HAUS2: variants seen among roughly 807,000 people sequenced by gnomAD.
The protein encoded by HAUS2 is HAUS augmin like complex subunit 2.
Under a neutral mutation model 21.6 loss-of-function variants are expected in HAUS2, and 20 were observed. That is an observed-to-expected ratio of 0.93 (90% confidence interval 0.65 to 1.35). HAUS2 has a LOEUF of 1.35. Among genes scored for constraint, HAUS2 ranks in the 40% most tolerant of loss-of-function variants. The pLI is 0.00. For synonymous variants in HAUS2, 113 were observed against 95.6 expected (o/e 1.18, Z -1.06); for missense variants, 297 against 280.7 (o/e 1.06, Z -0.42).
intron 1 of HAUS2, among the ~76,000 whole-genome samples, chr15:42,553,177 G>A (rs2057741946): frequency 6.6e-6 from 1 of 151,874 alleles, no homozygotes; most frequent in African/African-American, 2.4e-5. Context: ...AGTAGAGACG[G>A]GGTTTCACCA....
intron 1 of HAUS2, among the ~76,000 whole-genome samples, chr15:42,551,109 C>T (rs1052740102): frequency 8.6e-5 from 13 of 151,120 alleles, no homozygotes; most frequent in African/African-American, 3.2e-4. Flanking sequence ...AATTCTCGTG[C>T]TCCCGAGTAG....
At chr15:42,551,296 A>C (rs193057427) in intron 1 of HAUS2, among the ~76,000 whole-genome samples, 2 of 152,162 alleles carry the variant, frequency 1.3e-5, no homozygotes, top group Non-Finnish European at 2.9e-5. Flanking sequence ...CAGGTTACCT[A>C]GTACTCTCAC....
intron 5 of HAUS2, among the ~76,000 whole-genome samples, chr15:42,564,267 T>C (rs2057883135): frequency 7.1e-6 from 1 of 141,520 alleles, no homozygotes; most frequent in Non-Finnish European, 1.5e-5. Flanking sequence ...CCATCTCCCA[T>C]TAAAAAAAAA....
chr15:42,563,746 C>G lies in HAUS2; in HGVS notation c.390-3C>G. 1.4e-6 allele frequency: 2 copies of G among 1,418,784 alleles called. No homozygotes were observed. Among genetic ancestry groups the G allele is most frequent in the South Asian group, 1.2e-5 (1 of 85,340 alleles). The allele number at this position is 1,418,784 out of a possible 1,614,324, so 87.9% of individuals were successfully genotyped here. A position where few individuals can be genotyped will look rare whatever the true frequency, so the allele number is the denominator to read the frequency against. On this transcript the variant is annotated splice_region_variant and splice_polypyrimidine_tract_variant and intron_variant, in intron 4 of 5. Coordinates refer to ENST00000260372, the MANE Select transcript of HAUS2 (RefSeq NM_018097.3). Reference sequence around the variant, plus strand: ...ATGGTTGACTTTTTTCTTTCTCTTTCAGATATATGGTACATTTGCTGGAGT... The same window carrying G: ...ATGGTTGACTTTTTTCTTTCTCTTTGAGATATATGGTACATTTGCTGGAGT...
At chr15:42,561,906 T>A (rs2057857346) in intron 4 of HAUS2, among the ~76,000 whole-genome samples, 1 of 152,098 alleles carries the variant, frequency 6.6e-6, no homozygotes, top group Admixed American at 6.5e-5. Flanking sequence ...TAGAGATGAG[T>A]TCTATTGCCC....
intron 4 of HAUS2, among the ~76,000 whole-genome samples, chr15:42,562,414 G>C (rs918474315): frequency 2.0e-5 from 3 of 152,096 alleles, no homozygotes; most frequent in Non-Finnish European, 4.4e-5. Flanking sequence ...GGCCAACATG[G>C]TGAAACCCCA....
chr15:42,557,461 T>G (rs1485519698), intron 1 of HAUS2, among the ~76,000 whole-genome samples: 1 of 115,470 alleles, frequency 8.7e-6, no homozygotes, highest in African/African-American at 2.9e-5. Flanking sequence ...AATATATACA[T>G]TGTATATAAT....
At chr15:42,566,478 A>C in intron 5 of HAUS2, 129 bp from the exon 6 acceptor site, 1 of 625,150 alleles carries the variant, frequency 1.6e-6, no homozygotes, top group Non-Finnish European at 2.8e-6. Flanking sequence ...GGGAAAGCAC[A>C]GTTTTAAGGA....
At chr15:42,566,194 C>T (rs936190654) in intron 5 of HAUS2, among the ~76,000 whole-genome samples, 3 of 149,936 alleles carry the variant, frequency 2.0e-5, no homozygotes, top group African/African-American at 4.9e-5. Context: ...GAGTGAGACA[C>T]CATCTCAAAA....
In HAUS2 at chr15:42,567,080, A is replaced by T. The variant is rs991749010; in HGVS notation, c.*264A>T. On this transcript the variant is annotated 3_prime_UTR_variant, in exon 6 of 6. Coordinates refer to ENST00000260372, the MANE Select transcript of HAUS2 (RefSeq NM_018097.3). ...AATATAAGTGAATTAACCATTTCTC[A>T]GGTGGGAAATTCTCTTTTTTTAAAA... 5 of 285,838 alleles carry T rather than the reference A, an allele frequency of 1.7e-5. No homozygotes were observed. Among genetic ancestry groups the T allele is most frequent in the Middle Eastern group, 1.2e-3 (1 of 830 alleles). The allele number at this position is 285,838 out of a possible 1,614,324, so 17.7% of individuals were successfully genotyped here. A position where few individuals can be genotyped will look rare whatever the true frequency, so the allele number is the denominator to read the frequency against.
chr15:42,563,207 G>A (rs2057868283), intron 4 of HAUS2, among the ~76,000 whole-genome samples: 1 of 151,710 alleles, frequency 6.6e-6, no homozygotes. Context: ...ACAAGGTCAG[G>A]AGATCGAGAC....
intron 5 of HAUS2, among the ~76,000 whole-genome samples, 165 bp from the exon 6 acceptor site, chr15:42,566,442 A>G (rs2057907939): frequency 6.6e-6 from 1 of 152,216 alleles, no homozygotes; most frequent in Admixed American, 6.5e-5. Context: ...TGAACTCACA[A>G]AGAGTAGGTT....
chr15:42,549,634 A>G (rs1232445092), intron 1 of HAUS2, among the ~76,000 whole-genome samples: 1 of 151,344 alleles, frequency 6.6e-6, no homozygotes. Flanking sequence ...TATGTTTAGT[A>G]GAGACGGGGT....
Position 42,566,701 on chromosome 15 carries a change from C to CACTCAA in HAUS2, c.593_594insACTCAA (p.Ser198_Ser199insLeuLys). Reference sequence around the variant, plus strand: ...TGGCGTAAACAACAAAACGAAGTTTCGTCTTGTATCCCCAAAATATTAGCT... The same window carrying CACTCAA: ...TGGCGTAAACAACAAAACGAAGTTTCACTCAAGTCTTGTATCCCCAAAATATTAGCT... On this transcript the variant is annotated inframe_insertion, in exon 6 of 6. Transcript: ENST00000260372. 2 of 1,584,740 alleles carry CACTCAA rather than the reference C, an allele frequency of 1.3e-6. No individual in the cohort carries two copies. The highest frequency in any genetic ancestry group is 1.7e-6 in the Non-Finnish European group (2 of 1,153,422).
At chr15:42,563,526 TG>T in intron 4 of HAUS2, among the ~76,000 whole-genome samples, 1 of 152,314 alleles carries the variant, frequency 6.6e-6, no homozygotes, top group East Asian at 1.9e-4. Flanking sequence ...GGATTACTGT[TG>T]TCTCTTTCCA....
At chr15:42,550,462 A>G (rs866347579) in intron 1 of HAUS2, among the ~76,000 whole-genome samples, 1 of 152,196 alleles carries the variant, frequency 6.6e-6, no homozygotes, top group Admixed American at 6.5e-5. Context: ...AAGGAGAATT[A>G]GATCTTAGTA....
intron 4 of HAUS2, among the ~76,000 whole-genome samples, chr15:42,562,815 G>C (rs1398551987): frequency 1.3e-5 from 2 of 152,084 alleles, no homozygotes; most frequent in African/African-American, 4.8e-5. Flanking sequence ...TGAGTAAGTT[G>C]AAATGGAATG....
chr15:42,553,479 C>CTTT (rs11434263), intron 1 of HAUS2, among the ~76,000 whole-genome samples: 2 of 147,564 alleles, frequency 1.4e-5, no homozygotes, highest in African/African-American at 2.5e-5. Context: ...ATACTTTTTT[C>CTTT]TTTTTTTTTT....
Position 42,557,325 on chromosome 15 carries a change from A to G in HAUS2, c.94-873A>G, listed in dbSNP as rs1219523480. Among the ~76,000 whole-genome samples the G allele has an allele frequency of 3.8e-5, 3 of 79,318 alleles. No homozygotes were observed. The East Asian group carries it at 8.7e-4, about 23-fold the overall frequency. 52.0% of individuals were successfully genotyped at this position (79,318 alleles called of 152,430 possible). On this transcript the variant is annotated intron_variant, in intron 1 of 5. Coordinates refer to ENST00000260372, the MANE Select transcript of HAUS2 (RefSeq NM_018097.3). ...AGTGAGACTCCATTTAAAAATATATATATTATATATAATATATATTTTATA... is the reference window on the plus strand; with the variant it reads ...AGTGAGACTCCATTTAAAAATATATGTATTATATATAATATATATTTTATA...
Sources: allele counts gnomAD v4.1 joint callset (sites outside exome capture counted in the v4.1 genomes callset), GRCh38; gene constraint gnomAD v4.1.1; transcripts MANE v1.5; gene names NCBI Gene and HGNC (gene_info 2026-07-23, HGNC 2026-07-21).